The following EIF4EBP2 variants were observed in gnomAD, a reference collection of about 807,000 sequenced individuals.
The protein encoded by EIF4EBP2 is eukaryotic translation initiation factor 4E-binding protein 2.
Under a neutral mutation model 10.3 loss-of-function variants are expected in EIF4EBP2, and 5 were observed. That is an observed-to-expected ratio of 0.48 (90% CI 0.25 to 1.02). The LOEUF is 1.02. Ranked by LOEUF, EIF4EBP2 falls within the 50% of genes least tolerant of loss-of-function variation. EIF4EBP2 has a pLI of 0.15. For synonymous variants in EIF4EBP2, 67 were observed against 61.1 expected (o/e 1.10, Z -0.45); for missense variants, 188 against 162.2 (o/e 1.16, Z -0.86).
At chr10:70,413,026 G>A (rs1845060717) in intron 1 of EIF4EBP2, among the ~76,000 whole-genome samples, 1 of 152,164 alleles carries the variant, frequency 6.6e-6, no homozygotes, top group Admixed American at 6.5e-5. Flanking sequence ...TACCATTGTT[G>A]CTGTAAATAA....
intron 1 of EIF4EBP2, among the ~76,000 whole-genome samples, chr10:70,409,121 G>A (rs992566799): frequency 2.0e-5 from 3 of 152,170 alleles, no homozygotes; most frequent in African/African-American, 7.2e-5. Context: ...AGGAGATACA[G>A]CTTACCCTTG....
At chr10:70,417,467 A>G (rs79777374) in intron 1 of EIF4EBP2, among the ~76,000 whole-genome samples, 8 of 152,238 alleles carry the variant, frequency 5.3e-5, no homozygotes, top group African/African-American at 1.7e-4. Context: ...TGAATTATAC[A>G]CTGTAAGTGG....
intron 1 of EIF4EBP2, among the ~76,000 whole-genome samples, chr10:70,417,939 A>G (rs1311590302): frequency 6.6e-6 from 1 of 152,206 alleles, no homozygotes; most frequent in Non-Finnish European, 1.5e-5. Context: ...TAGCATGCTA[A>G]TAAGCAAGTT....
At chr10:70,412,967 C>T (rs1845060354) in intron 1 of EIF4EBP2, among the ~76,000 whole-genome samples, 1 of 152,094 alleles carries the variant, frequency 6.6e-6, no homozygotes, top group Admixed American at 6.6e-5. Context: ...GGTAAAATGC[C>T]AGTAGACAGC....
intron 1 of EIF4EBP2, among the ~76,000 whole-genome samples, chr10:70,412,362 CTTAG>C (rs1427119049): frequency 1.8e-5 from 2 of 114,160 alleles, no homozygotes; most frequent in Admixed American, 1.4e-4. Flanking sequence ...TGGAAGCAGA[CTTAG>C]TTAAACAGAA....
At position 70,426,436 on chromosome 10, in the gene EIF4EBP2, A is replaced by C. The variant is rs1845207255; in HGVS notation, c.*4689A>C. ...CAGGCATGTACCACTATGCCTGGCT[A>C]ATTTTTATTTCTATATTTTTAGTAG... On this transcript the variant is annotated 3_prime_UTR_variant, in exon 3 of 3. Transcript: ENST00000373218. 6.6e-6 allele frequency: 1 copy of C among 152,002 alleles called. No individual in the cohort carries two copies. The highest frequency in any genetic ancestry group is 1.5e-5 in the Non-Finnish European group (1 of 67,992). The allele number at this position is 152,002 out of a possible 1,614,324, so 9.4% of individuals were successfully genotyped here.
chr10:70,420,209 GT>G (rs1027242664), intron 2 of EIF4EBP2, 110 bp downstream of exon 2: 38 of 1,176,884 alleles, frequency 3.2e-5, no homozygotes, highest in East Asian at 5.5e-5. Context: ...TTTGTTTTTT[GT>G]TTTTTTTGAG....
chr10:70,418,488 C>G (rs1279197320), intron 1 of EIF4EBP2, among the ~76,000 whole-genome samples: 2 of 152,170 alleles, frequency 1.3e-5, no homozygotes. Flanking sequence ...TAGTGATGTT[C>G]AGCTGTACAG....
chr10:70,415,625 A>G (rs1257124679), intron 1 of EIF4EBP2, among the ~76,000 whole-genome samples: 7 of 152,258 alleles, frequency 4.6e-5, no homozygotes, highest in Admixed American at 3.9e-4. Context: ...AAACCCAGCA[A>G]TAATGGCCCA....
intron 1 of EIF4EBP2, among the ~76,000 whole-genome samples, chr10:70,405,668 A>G (rs1419453601): frequency 1.3e-5 from 2 of 152,162 alleles, no homozygotes; most frequent in African/African-American, 4.8e-5. Context: ...GAGCTGTACT[A>G]CAACCAATCC....
intron 1 of EIF4EBP2, among the ~76,000 whole-genome samples, chr10:70,407,147 G>A (rs1011196574): frequency 7.0e-6 from 1 of 142,764 alleles, no homozygotes; most frequent in African/African-American, 2.6e-5. Context: ...GATCATTCTT[G>A]GGTGTTTCTC....
Position 70,420,091 on chromosome 10 carries a change from A to G in EIF4EBP2, c.323A>G (p.His108Arg). Residue 108 changes from histidine (H) to arginine (R), a missense_variant, in exon 2 of 3, where the codon CAT (histidine) becomes CGT (arginine). Transcript: ENST00000373218. ...AACTTGAACAATCACGACAGGAAAC[A>G]TGCAGTTGGTAAGAGAATGGCGATG... ...LNNLNNHDRK[H>R]AVGDDAQFEM... is the part of the protein sequence containing the mutation. 1 of 1,603,740 alleles carries G rather than the reference A, an allele frequency of 6.2e-7. No individual in the cohort carries two copies. The highest frequency in any genetic ancestry group is 8.5e-7 in the Non-Finnish European group (1 of 1,176,388).
intron 1 of EIF4EBP2, among the ~76,000 whole-genome samples, chr10:70,415,739 A>G (rs910072915): frequency 3.3e-5 from 5 of 152,224 alleles, no homozygotes; most frequent in African/African-American, 1.2e-4. Context: ...CTGAAGGTGG[A>G]CCAGATGGCT....
In EIF4EBP2 at chr10:70,426,417, T is replaced by C. The variant is rs1047859081; in HGVS notation, c.*4670T>C. 3 of 152,132 alleles carry C rather than the reference T, an allele frequency of 2.0e-5. No homozygotes were observed. Among genetic ancestry groups the C allele is most frequent in the Admixed American group, 6.5e-5 (1 of 15,274 alleles). The allele number at this position is 152,132 out of a possible 1,614,324, so 9.4% of individuals were successfully genotyped here. On this transcript the variant is annotated 3_prime_UTR_variant, in exon 3 of 3. Coordinates refer to ENST00000373218, the MANE Select transcript of EIF4EBP2 (RefSeq NM_004096.5). ...TTCCGAGTAGCTGGGATTACAGGCATGTACCACTATGCCTGGCTAATTTTT... is the reference window on the plus strand; with the variant it reads ...TTCCGAGTAGCTGGGATTACAGGCACGTACCACTATGCCTGGCTAATTTTT...
In EIF4EBP2 at chr10:70,426,492, G is replaced by T. The variant is rs1026337151; in HGVS notation, c.*4745G>T. ...GGGTTTCATCATGTTTGCCAGGCTG[G>T]TCTCGAACTCCTGGCCTCAAGTGAT... On this transcript the variant is annotated 3_prime_UTR_variant, in exon 3 of 3. Coordinates refer to ENST00000373218, the MANE Select transcript of EIF4EBP2 (RefSeq NM_004096.5). The T allele has an allele frequency of 6.6e-6, 1 of 152,218 alleles. No homozygotes were observed. The highest frequency in any genetic ancestry group is 6.5e-5 in the Admixed American group (1 of 15,280). The allele number at this position is 152,218 out of a possible 1,614,324, so 9.4% of individuals were successfully genotyped here. A position where few individuals can be genotyped will look rare whatever the true frequency, so the allele number is the denominator to read the frequency against.
At chr10:70,408,686 T>C (rs1350728757) in intron 1 of EIF4EBP2, among the ~76,000 whole-genome samples, 1 of 152,156 alleles carries the variant, frequency 6.6e-6, no homozygotes, top group African/African-American at 2.4e-5. Context: ...GTATCGTTAG[T>C]AAATTTTGTG....
In EIF4EBP2 at chr10:70,419,953, G is replaced by C; in HGVS notation, c.185G>C (p.Arg62Pro). Residue 62 changes from arginine (R) to proline (P), a missense_variant, in exon 2 of 3, where the codon CGT becomes CCT. Transcript: ENST00000373218. ...TATGACAGAAAGTTTCTGTTGGATC[G>C]TCGCAATTCTCCCATGGCTCAGACC... ...IIYDRKFLLDRRNSPMAQTPP... is the reference protein window; with the variant it reads ...IIYDRKFLLDPRNSPMAQTPP... 2.5e-6 allele frequency: 4 copies of C among 1,596,112 alleles called. No homozygotes were observed. The highest frequency in any genetic ancestry group is 3.4e-6 in the Non-Finnish European group (4 of 1,174,590).
At position 70,421,920 on chromosome 10, in the gene EIF4EBP2, T is replaced by C; in HGVS notation, c.*173T>C. 1.7e-6 allele frequency: 1 copy of C among 596,336 alleles called. No individual in the cohort carries two copies. The highest frequency in any genetic ancestry group is 2.8e-5 in the East Asian group (1 of 35,864). 36.9% of individuals were successfully genotyped at this position (596,336 alleles called of 1,614,324 possible). On this transcript the variant is annotated 3_prime_UTR_variant, in exon 3 of 3. Coordinates refer to ENST00000373218, the MANE Select transcript of EIF4EBP2 (RefSeq NM_004096.5). Reference sequence around the variant, plus strand: ...AAATGATGGGAAGATGAGCTTCATCTGACCATTTCTTCTCCCTGTCTCCTG... The same window carrying C: ...AAATGATGGGAAGATGAGCTTCATCCGACCATTTCTTCTCCCTGTCTCCTG...
chr10:70,419,862 A>G (rs896672021), intron 1 of EIF4EBP2, 52 bp from the exon 2 acceptor site: 5 of 1,301,620 alleles, frequency 3.8e-6, no homozygotes, highest in Non-Finnish European at 5.2e-6. Context: ...GTGGTATTAT[A>G]TGTTGATAAC....
Sources: allele counts gnomAD v4.1 joint callset (sites outside exome capture counted in the v4.1 genomes callset), GRCh38; gene constraint gnomAD v4.1.1; transcripts MANE v1.5; gene names NCBI Gene and HGNC (gene_info 2026-07-23, HGNC 2026-07-21).